The following ADAMTSL1 variants were observed in gnomAD, a reference collection of about 807,000 sequenced individuals.
ADAMTSL1 encodes the protein ADAMTS like 1, also known as ADAMTS-like protein 1.
ADAMTSL1 carries 126 observed loss-of-function variants against 201.8 expected under a neutral mutation model. The observed-to-expected ratio is 0.62, with a 90% CI of 0.54 to 0.72. The LOEUF (loss-of-function observed/expected upper bound fraction) is 0.72, where lower values mean the gene tolerates loss of function less well. ADAMTSL1 is among the 30% of genes least tolerant of loss of function. The pLI is 0.00. For missense variants in ADAMTSL1, 2,679 were observed against 2,277.8 expected, an observed-to-expected ratio of 1.18 and a Z score of -3.59; for synonymous variants, 1,121 against 903.4, an observed-to-expected ratio of 1.24 and a Z score of -4.32.
At chr9:18,543,757 G>A (rs1473846142) in intron 3 of ADAMTSL1, among the ~76,000 whole-genome samples, 1 of 152,132 alleles carries the variant, frequency 6.6e-6, no homozygotes, top group Admixed American at 6.5e-5. Context: ...GGTGGCTATA[G>A]ATCTCCCTGC....
chr9:18,121,950 C>G (rs554927342), intron 1 of ADAMTSL1, among the ~76,000 whole-genome samples: 6 of 152,148 alleles, frequency 3.9e-5, no homozygotes, highest in Non-Finnish European at 8.8e-5. Context: ...CTAGCCACCA[C>G]TGACTTACTT....
intron 2 of ADAMTSL1, among the ~76,000 whole-genome samples, chr9:18,184,883 T>C (rs948772092): frequency 3.3e-5 from 5 of 152,192 alleles, no homozygotes. Context: ...TAAAAATCAC[T>C]GTAACTAACT....
intron 2 of ADAMTSL1, among the ~76,000 whole-genome samples, chr9:18,338,631 C>G (rs1835346168): frequency 6.6e-6 from 1 of 151,986 alleles, no homozygotes. Flanking sequence ...TTTTTTACAG[C>G]TCTTCTTTTA....
At chr9:18,472,548 A>C (rs10511638), upstream of ADAMTSL1, among the ~76,000 whole-genome samples, 7 of 152,126 alleles carry the variant, frequency 4.6e-5, no homozygotes, top group Non-Finnish European at 7.4e-5. Context: ...TCTCTCTTTA[A>C]TTGATATACC....
intron 23 of ADAMTSL1, among the ~76,000 whole-genome samples, chr9:18,884,537 T>G (rs1474239111): frequency 6.6e-6 from 1 of 152,222 alleles, no homozygotes. Context: ...AAGAGTTTTA[T>G]GCTTTCAGCT....
chr9:18,468,080 A>T (rs1381728263), intron 2 of ADAMTSL1, among the ~76,000 whole-genome samples: 1 of 152,198 alleles, frequency 6.6e-6, no homozygotes, highest in Admixed American at 6.5e-5. Flanking sequence ...AAGTTTCTCT[A>T]TTTCAAAAAG....
At chr9:18,452,803 G>C (rs747132845) in intron 2 of ADAMTSL1, among the ~76,000 whole-genome samples, 1 of 152,188 alleles carries the variant, frequency 6.6e-6, no homozygotes, top group African/African-American at 2.4e-5. Context: ...GTAGAGGTTG[G>C]GCCGCCAAGG....
At chr9:18,654,506 A>T (rs1437959936) in intron 7 of ADAMTSL1, among the ~76,000 whole-genome samples, 1 of 152,234 alleles carries the variant, frequency 6.6e-6, no homozygotes, top group Non-Finnish European at 1.5e-5. Context: ...ATTGTAGATG[A>T]TGCTGAAAAA....
At chr9:18,311,697 A>G (rs1315039390) in intron 2 of ADAMTSL1, among the ~76,000 whole-genome samples, 1 of 152,224 alleles carries the variant, frequency 6.6e-6, no homozygotes, top group East Asian at 1.9e-4. Context: ...AGCTTGAGCC[A>G]GGGAGCCCTG....
intron 23 of ADAMTSL1, among the ~76,000 whole-genome samples, chr9:18,872,730 A>G (rs542432830): frequency 7.2e-5 from 11 of 152,102 alleles, no homozygotes; most frequent in Admixed American, 4.6e-4. Context: ...TTCTTTATCC[A>G]CTCATTGATT....
chr9:18,160,035 G>A (rs911079780), intron 1 of ADAMTSL1, among the ~76,000 whole-genome samples: 1 of 151,886 alleles, frequency 6.6e-6, no homozygotes, highest in Admixed American at 6.6e-5. Flanking sequence ...CTAGATGATT[G>A]ATCAATCAGT....
In ADAMTSL1 at chr9:18,738,217, G is replaced by A. The variant is rs140909203; in HGVS notation, c.2007-15081G>A. ...TAGGATAAGAAAGGATTTTCTTACA[G>A]CCGTGCTGTGAGAAGTTTTGCGTTT... On this transcript the variant is annotated intron_variant, in intron 15 of 28. Transcript: ENST00000380548. 2.8e-3 allele frequency among the ~76,000 whole-genome samples: 429 copies of A among 152,298 alleles called. 2 individuals carry two copies. Among genetic ancestry groups the A allele is most frequent in the Middle Eastern group, 0.024 (7 of 294 alleles).
chr9:18,304,259 G>T (rs1234688894), intron 2 of ADAMTSL1, among the ~76,000 whole-genome samples: 1 of 152,002 alleles, frequency 6.6e-6, no homozygotes, highest in Non-Finnish European at 1.5e-5. Flanking sequence ...TGGCAAGAAG[G>T]GGGTCTAGAG....
At chr9:18,556,411 C>A (rs1821112311) in intron 3 of ADAMTSL1, among the ~76,000 whole-genome samples, 1 of 151,992 alleles carries the variant, frequency 6.6e-6, no homozygotes, top group Non-Finnish European at 1.5e-5. Context: ...CTTTATTAAT[C>A]ATGCAAATCT....
intron 1 of ADAMTSL1, among the ~76,000 whole-genome samples, chr9:17,928,713 G>A (rs768579779): frequency 3.3e-5 from 5 of 152,082 alleles, no homozygotes; most frequent in Non-Finnish European, 5.9e-5. Context: ...AGTTCAAGAC[G>A]AGCCTGGGTG....
intron 2 of ADAMTSL1, among the ~76,000 whole-genome samples, chr9:18,350,215 G>A (rs1835906181): frequency 6.6e-6 from 1 of 152,002 alleles, no homozygotes; most frequent in African/African-American, 2.4e-5. Context: ...TCATGCCACT[G>A]CTCTGGGCCA....
chr9:17,982,934 A>G (rs965511691), intron 1 of ADAMTSL1, among the ~76,000 whole-genome samples: 4 of 151,850 alleles, frequency 2.6e-5, no homozygotes, highest in African/African-American at 9.7e-5. Context: ...TTACCATTAT[A>G]TGAACAGCTT....
intron 23 of ADAMTSL1, among the ~76,000 whole-genome samples, chr9:18,834,912 A>G (rs1288431756): frequency 6.6e-6 from 1 of 152,182 alleles, no homozygotes; most frequent in Non-Finnish European, 1.5e-5. Flanking sequence ...GGTTATTACA[A>G]ATCTGCTGTG....
chr9:18,446,878 G>A (rs1439739501), intron 2 of ADAMTSL1, among the ~76,000 whole-genome samples: 3 of 152,174 alleles, frequency 2.0e-5, no homozygotes, highest in African/African-American at 4.8e-5. Context: ...GGAGTTCATT[G>A]TAACGTGATT....
Sources: allele counts gnomAD v4.1 joint callset (sites outside exome capture counted in the v4.1 genomes callset), GRCh38; gene constraint gnomAD v4.1.1; transcripts MANE v1.5; gene names NCBI Gene and HGNC (gene_info 2026-07-23, HGNC 2026-07-21).